NTN1: variants seen among roughly 807,000 people sequenced by gnomAD.
NTN1 encodes netrin 1, also known as netrin-1.
Under a neutral mutation model 54.2 loss-of-function variants are expected in NTN1, and 11 were observed. The ratio of observed to expected loss-of-function variants is 0.20; its 90% CI spans 0.13 to 0.34. The LOEUF (loss-of-function observed/expected upper bound fraction) is 0.34. Ranked by LOEUF, NTN1 falls within the 10% of genes least tolerant of loss-of-function variation. The pLI is 1.00. For missense variants in NTN1, 740 were observed against 893.1 expected (o/e 0.83, Z 2.18); for synonymous variants, 371 against 382.0 (o/e 0.97, Z 0.33).
In NTN1 at chr17:9,023,194, A is replaced by G. The variant is rs2091859019; in HGVS notation, c.821A>G (p.Tyr274Cys). The G allele has an allele frequency of 6.4e-7, 1 of 1,563,772 alleles. No homozygotes were observed. The highest frequency in any genetic ancestry group is 8.7e-7 in the Non-Finnish European group (1 of 1,151,858). Residue 274 changes from tyrosine (Y) to cysteine (C), a missense_variant, in exon 2 of 7, where the codon TAC becomes TGC. Coordinates refer to ENST00000173229, the MANE Select transcript of NTN1 (RefSeq NM_004822.3). ...GAGCTGGCGCGCGACTCGTACTTCT[A>G]CGCGGTGTCCGACCTGCAGGTGGGC... Reference protein sequence around the residue: ...DSELARDSYFYAVSDLQVGGR... With the variant: ...DSELARDSYFCAVSDLQVGGR...
intron 2 of NTN1, among the ~76,000 whole-genome samples, chr17:9,134,917 A>C (rs1567718802): frequency 6.6e-6 from 1 of 152,120 alleles, no homozygotes; most frequent in Non-Finnish European, 1.5e-5. Flanking sequence ...AAAGGTGAGA[A>C]AGCTTATTCC....
chr17:9,198,312 C>A (rs1448049235), intron 5 of NTN1, among the ~76,000 whole-genome samples: 1 of 152,166 alleles, frequency 6.6e-6, no homozygotes, highest in African/African-American at 2.4e-5. Context: ...TGATACCTGC[C>A]CAAGTCAGTC....
At chr17:9,077,097 C>G (rs1206643825) in intron 2 of NTN1, among the ~76,000 whole-genome samples, 1 of 152,018 alleles carries the variant, frequency 6.6e-6, no homozygotes, top group East Asian at 1.9e-4. Flanking sequence ...TTTGGGGCAT[C>G]TTGGAATTAA....
In NTN1 at chr17:9,033,917, CAAAAAAAAAA is replaced by C. The variant is rs58699789; in HGVS notation, c.1018+10534_1018+10543del. Among the ~76,000 whole-genome samples, 430 of 106,454 alleles carry C rather than the reference CAAAAAAAAAA, an allele frequency of 4.0e-3. 2 individuals are homozygous for C. The highest frequency in any genetic ancestry group is 0.014 in the African/African-American group (415 of 29,056). The allele number at this position is 106,454 out of a possible 152,430, so 69.8% of individuals were successfully genotyped here. On this transcript the variant is annotated intron_variant, in intron 2 of 6. Transcript: ENST00000173229. The stretch of plus-strand genomic sequence containing the variant: ...GGGCAACAAGAGCGAAACTCTGTCT[CAAAAAAAAAA>C]AAAAAAAGAAAAAGAAAAGAAAGAA...
chr17:9,224,117 C>T (rs1010577556), intron 6 of NTN1, among the ~76,000 whole-genome samples: 1 of 152,182 alleles, frequency 6.6e-6, no homozygotes, highest in Non-Finnish European at 1.5e-5. Context: ...TCCTGTGTTC[C>T]ACTGGATTCT....
chr17:9,027,459 G>C (rs2091874949), intron 2 of NTN1, among the ~76,000 whole-genome samples: 2 of 152,142 alleles, frequency 1.3e-5, no homozygotes, highest in Non-Finnish European at 2.9e-5. Flanking sequence ...ACTCCAGCCT[G>C]ACGTTTGTGC....
At chr17:9,008,147 C>A in the NTN1 span, among the ~76,000 whole-genome samples, 1 of 151,806 alleles carries the variant, frequency 6.6e-6, no homozygotes, top group Non-Finnish European at 1.5e-5. Context: ...GGCTTATTAA[C>A]AATACATTAT....
chr17:9,055,978 G>A (rs1303050016), intron 2 of NTN1, among the ~76,000 whole-genome samples: 1 of 151,668 alleles, frequency 6.6e-6, no homozygotes, highest in African/African-American at 2.4e-5. Flanking sequence ...GCTCACTGCA[G>A]CCTCAACCTC....
intron 2 of NTN1, among the ~76,000 whole-genome samples, chr17:9,035,957 G>T (rs1170295355): frequency 6.6e-6 from 1 of 152,208 alleles, no homozygotes; most frequent in Non-Finnish European, 1.5e-5. Context: ...GGGAGGCGGA[G>T]GTTGCAGTGA....
At chr17:9,197,415 T>C (rs1904666234) in intron 5 of NTN1, among the ~76,000 whole-genome samples, 2 of 152,050 alleles carry the variant, frequency 1.3e-5, no homozygotes, top group South Asian at 4.2e-4. Context: ...TCCCAGCACT[T>C]TGGGAGGCCA....
intron 6 of NTN1, among the ~76,000 whole-genome samples, chr17:9,225,534 C>T (rs911841601): frequency 3.9e-5 from 6 of 152,214 alleles, no homozygotes; most frequent in African/African-American, 1.4e-4. Flanking sequence ...GTGGGCTCTG[C>T]TGGCGTCTGT....
chr17:9,090,709 G>A (rs1023393230), intron 2 of NTN1, among the ~76,000 whole-genome samples: 2 of 152,018 alleles, frequency 1.3e-5, no homozygotes, highest in African/African-American at 4.8e-5. Context: ...CAGGCCAAGT[G>A]CCTGGGGAAC....
chr17:9,074,613 G>A (rs1245891802), intron 2 of NTN1, among the ~76,000 whole-genome samples: 1 of 152,216 alleles, frequency 6.6e-6, no homozygotes, highest in African/African-American at 2.4e-5. Flanking sequence ...GCCACCTGGG[G>A]AGGTGAAACA....
chr17:9,170,218 C>T (rs1432174252), intron 3 of NTN1, among the ~76,000 whole-genome samples: 2 of 152,164 alleles, frequency 1.3e-5, no homozygotes, highest in African/African-American at 4.8e-5. Flanking sequence ...GAAGAATAGT[C>T]CCTCCTCCCT....
chr17:9,102,494 A>T (rs1468871698), intron 2 of NTN1, among the ~76,000 whole-genome samples: 3 of 152,180 alleles, frequency 2.0e-5, no homozygotes, highest in Admixed American at 1.3e-4. Flanking sequence ...ATATCCCCAT[A>T]ACACATGGGG....
intron 2 of NTN1, among the ~76,000 whole-genome samples, chr17:9,053,070 G>GA (rs2091966127): frequency 6.6e-6 from 1 of 152,206 alleles, no homozygotes; most frequent in Non-Finnish European, 1.5e-5. Context: ...GCAAACTGTA[G>GA]CCCGTGGGCC....
chr17:9,091,420 A>G (rs948273867), intron 2 of NTN1, among the ~76,000 whole-genome samples: 4 of 150,856 alleles, frequency 2.7e-5, no homozygotes, highest in Non-Finnish European at 4.4e-5. Context: ...GTGCCTGACC[A>G]AAGTTAAACT....
At chr17:9,188,368 C>T (rs902202165) in intron 5 of NTN1, among the ~76,000 whole-genome samples, 6 of 145,000 alleles carry the variant, frequency 4.1e-5, no homozygotes, top group Admixed American at 7.2e-5. Flanking sequence ...GTGGAGGTTG[C>T]AGTGAGCTGA....
upstream of NTN1, among the ~76,000 whole-genome samples, chr17:9,018,537 G>C (rs1235590149): frequency 6.6e-6 from 1 of 151,350 alleles, no homozygotes; most frequent in Admixed American, 6.6e-5. Flanking sequence ...GGGAGGCTGA[G>C]GCAGGAGAAT....
Sources: gnomAD v4.1 joint callset for allele counts (sites outside exome capture counted in the v4.1 genomes callset) on GRCh38, gnomAD v4.1.1 for gene constraint, MANE v1.5 for transcripts, NCBI Gene and HGNC (gene_info 2026-07-23, HGNC 2026-07-21) for gene names.